THOC2: variants seen among roughly 807,000 people sequenced by gnomAD.
THOC2 encodes THO complex 2.
Under a neutral mutation model 128.4 loss-of-function variants are expected in THOC2, and 10 were observed. The ratio of observed to expected loss-of-function variants is 0.08; its 90% CI spans 0.05 to 0.13. The LOEUF (loss-of-function observed/expected upper bound fraction) is 0.13. Among genes scored for constraint, THOC2 ranks in the 10% least tolerant of loss-of-function variants. The pLI is 1.00. For missense variants in THOC2, 535 were observed against 1,155.7 expected (o/e 0.46, Z 7.79); for synonymous variants, 393 against 396.9 (o/e 0.99, Z 0.12).
At chrX:123,613,057 C>T (rs2046761930) in intron 36 of THOC2, among the ~76,000 whole-genome samples, 1 of 111,286 alleles carries the variant, frequency 9.0e-6, no homozygotes. Flanking sequence ...TACATGTGAC[C>T]ATATTTTAAT....
In THOC2 at chrX:123,645,333, C is replaced by G; in HGVS notation, c.1428+1G>C. 8.8e-7 allele frequency: 1 copy of G among 1,135,646 alleles called. No individual in the cohort carries two copies. The highest frequency in any genetic ancestry group is 1.2e-6 in the Non-Finnish European group (1 of 842,523). The allele number at this position is 1,135,646 out of a possible 1,213,427, so 93.6% of individuals were successfully genotyped here. ...ATTATTGGATTTTTCTAGTCTCTTA[C>G]CGTTTTTTCTTTATCTTCTTGTTTG... On this transcript the variant is annotated splice_donor_variant, in intron 13 of 38. Coordinates refer to ENST00000245838, the MANE Select transcript of THOC2 (RefSeq NM_001081550.2). LOFTEE classifies it high-confidence loss of function.
chrX:123,689,226 C>T (rs2050125529), intron 7 of THOC2, among the ~76,000 whole-genome samples: 1 of 111,965 alleles, frequency 8.9e-6, no homozygotes, highest in African/African-American at 3.2e-5. Flanking sequence ...TACCCACTTT[C>T]CTTCTAGGTG....
At chrX:123,726,009 G>T (rs1033808959) in intron 1 of THOC2, among the ~76,000 whole-genome samples, 2 of 111,226 alleles carry the variant, frequency 1.8e-5, no homozygotes, top group African/African-American at 6.5e-5. Context: ...AAGAGTTTGA[G>T]ACTAGCCTAG....
intron 1 of THOC2, among the ~76,000 whole-genome samples, chrX:123,731,801 G>C (rs1363532797): frequency 9.0e-6 from 1 of 111,313 alleles, no homozygotes; most frequent in African/African-American, 3.3e-5. Flanking sequence ...CGCGGGATCC[G>C]GCAACGCGTT....
intron 25 of THOC2, among the ~76,000 whole-genome samples, chrX:123,625,077 C>T (rs1234424532): frequency 9.0e-6 from 1 of 110,555 alleles, no homozygotes; most frequent in African/African-American, 3.3e-5. Context: ...CTGGAACATA[C>T]ATTATGTTTT....
chrX:123,654,591 TA>T (rs1252865367), intron 12 of THOC2, among the ~76,000 whole-genome samples: 8 of 101,803 alleles, frequency 7.9e-5, no homozygotes, highest in Admixed American at 1.1e-4. Flanking sequence ...CCTTCTCTAC[TA>T]AAAAAAAATG....
intron 12 of THOC2, among the ~76,000 whole-genome samples, chrX:123,645,701 C>T (rs1182703694): frequency 1.8e-5 from 2 of 112,726 alleles, no homozygotes; most frequent in Non-Finnish European, 3.7e-5. Context: ...GTGCCTCACG[C>T]CTGTAATCCC....
At chrX:123,668,362 T>C in intron 9 of THOC2, 48 bp from the exon 10 acceptor site, 2 of 889,985 alleles carry the variant, frequency 2.2e-6, no homozygotes, top group East Asian at 6.7e-5. Flanking sequence ...TACCAACTAC[T>C]TGTTCATATA....
intron 12 of THOC2, among the ~76,000 whole-genome samples, chrX:123,660,218 A>G (rs923350909): frequency 9.0e-6 from 1 of 111,464 alleles, no homozygotes; most frequent in African/African-American, 3.3e-5. Context: ...TGCAATGGAG[A>G]AGGCAAGAGG....
At chrX:123,625,660 G>T (rs1299714794) in intron 25 of THOC2, among the ~76,000 whole-genome samples, 2 of 110,492 alleles carry the variant, frequency 1.8e-5, no homozygotes, top group Non-Finnish European at 3.8e-5. Flanking sequence ...TTTATGTGTA[G>T]TGATTCATTT....
At chrX:123,633,794 A>G (rs1442620179) in intron 20 of THOC2, among the ~76,000 whole-genome samples, 159 bp downstream of exon 20, 1 of 112,045 alleles carries the variant, frequency 8.9e-6, no homozygotes, top group Non-Finnish European at 1.9e-5. Flanking sequence ...TAATTACTGT[A>G]TCTCAATTTC....
At chrX:123,661,959 C>T (rs2147784555) in intron 12 of THOC2, among the ~76,000 whole-genome samples, 1 of 111,554 alleles carries the variant, frequency 9.0e-6, no homozygotes, top group Non-Finnish European at 1.9e-5. Context: ...GCCACTTACA[C>T]TCCAGCCTTC....
chrX:123,640,794 T>C (rs2047881940), intron 15 of THOC2, among the ~76,000 whole-genome samples, 172 bp from the exon 16 acceptor site: 1 of 111,981 alleles, frequency 8.9e-6, no homozygotes, highest in African/African-American at 3.2e-5. Flanking sequence ...TTGGGCTATT[T>C]TGGTTAGGGA....
chrX:123,611,646 G>C, intron 36 of THOC2, 130 bp from the exon 37 acceptor site: 1 of 401,640 alleles, frequency 2.5e-6, no homozygotes, highest in Non-Finnish European at 4.3e-6. Context: ...AAAAGCATAA[G>C]CAACAAAAGG....
At chrX:123,661,020 G>A (rs1389394727) in intron 12 of THOC2, among the ~76,000 whole-genome samples, 1 of 112,356 alleles carries the variant, frequency 8.9e-6, no homozygotes, top group Admixed American at 9.5e-5. Flanking sequence ...TTGCAGCAAT[G>A]TGGATGGAAC....
Position 123,637,408 on chromosome X carries a change from T to C in THOC2, c.1921+635A>G, listed in dbSNP as rs150730187. Among the ~76,000 whole-genome samples the C allele has an allele frequency of 5.8e-3, 649 of 111,343 alleles. 4 individuals carry two copies. Among genetic ancestry groups the C allele is most frequent in the Middle Eastern group, 0.023 (5 of 216 alleles). On this transcript the variant is annotated intron_variant, in intron 18 of 38. Transcript: ENST00000245838. ...AGATGACTGGAACCTCAGGATGGAA[T>C]GGGAAGAAATGAGACTAGATCCCTT...
intron 8 of THOC2, among the ~76,000 whole-genome samples, chrX:123,680,195 GTAAAACCCGATCATA>G (rs2049704645): frequency 9.0e-6 from 1 of 111,464 alleles, no homozygotes; most frequent in South Asian, 3.9e-4. Flanking sequence ...ATGTCTCGGT[GTAAAACCCGATCATA>G]TATTCCATCT....
At chrX:123,670,001 CATA>C (rs2049205883) in intron 9 of THOC2, among the ~76,000 whole-genome samples, 1 of 112,269 alleles carries the variant, frequency 8.9e-6, no homozygotes, top group South Asian at 3.7e-4. Context: ...TAAATGCAAT[CATA>C]ATGAGTAATA....
chrX:123,675,146 G>C (rs930878285), intron 8 of THOC2, among the ~76,000 whole-genome samples: 4 of 111,533 alleles, frequency 3.6e-5, no homozygotes, highest in African/African-American at 1.3e-4. Flanking sequence ...TCTTTGGCTT[G>C]GCTTCTTCTA....
Sources: gnomAD v4.1 joint callset for allele counts (sites outside exome capture counted in the v4.1 genomes callset) on GRCh38, gnomAD v4.1.1 for gene constraint, MANE v1.5 for transcripts, NCBI Gene and HGNC (gene_info 2026-07-23, HGNC 2026-07-21) for gene names.